The following KDM6B variants were observed in gnomAD, a reference collection of about 807,000 sequenced individuals.
KDM6B encodes lysine demethylase 6B.
Under a neutral mutation model 150.4 loss-of-function variants are expected in KDM6B, and 22 were observed. The ratio of observed to expected loss-of-function variants is 0.15; its 90% CI spans 0.10 to 0.21. The LOEUF (loss-of-function observed/expected upper bound fraction) is 0.21. Ranked by LOEUF, KDM6B falls within the 10% of genes least tolerant of loss-of-function variation. The pLI, the probability that KDM6B is intolerant of heterozygous loss-of-function variation, is 1.00. For synonymous variants in KDM6B, 1,148 were observed against 921.1 expected (o/e 1.25, Z -4.46); for missense variants, 1,984 against 2,234.3 (o/e 0.89, Z 2.26).
chr17:7,846,063 C>CCCAAGG lies in KDM6B; in HGVS notation c.237-14_237-13insCAAGGC. On this transcript the variant is annotated splice_polypyrimidine_tract_variant and intron_variant, in intron 6 of 23. Transcript: ENST00000448097. ...CCCAACCCCCACCCACACCCCCACCCCTTCTGCTCTGTAGGGCGCCCACTC... is the reference window on the plus strand; with the variant it reads ...CCCAACCCCCACCCACACCCCCACCCCCAAGGCTTCTGCTCTGTAGGGCGCCCACTC... 1 of 1,577,180 alleles carries CCCAAGG rather than the reference C, an allele frequency of 6.3e-7. No individual in the cohort carries two copies. The highest frequency in any genetic ancestry group is 8.6e-7 in the Non-Finnish European group (1 of 1,158,730).
chr17:7,835,110 G>A (rs548428197), intron 1 of KDM6B, among the ~76,000 whole-genome samples: 3 of 152,158 alleles, frequency 2.0e-5, no homozygotes, highest in East Asian at 1.9e-4. Context: ...GGTAGGCTGA[G>A]GCCCCCACTT....
rs2151374884 is a variant in KDM6B, at chr17:7,844,925, GTGA to G, written c.-239_-237del. The stretch of plus-strand genomic sequence containing the variant: ...GGCTGTTACTGAGGCGGAGACACGG[GTGA>G]TGATTGGCTTTCTGGGGAGAGAGGA... On this transcript the variant is annotated 5_prime_UTR_variant, in exon 3 of 24. An upstream start codon of the reference 5' UTR is lost. Coordinates refer to ENST00000448097, the MANE Select transcript of KDM6B (RefSeq NM_001348716.2). The surrounding 1 kb of genome is among the most constrained non-coding windows in gnomAD (Gnocchi z 5.9). 1 of 167,358 alleles carries G rather than the reference GTGA, an allele frequency of 6.0e-6. No homozygotes were observed. The highest frequency in any genetic ancestry group is 1.3e-4 in the South Asian group (1 of 7,824). 10.4% of individuals were successfully genotyped at this position (167,358 alleles called of 1,614,324 possible). A position where few individuals can be genotyped will look rare whatever the true frequency, so the allele number is the denominator to read the frequency against.
Position 7,848,682 on chromosome 17 carries a change from C to G in KDM6B, c.2394C>G (p.Pro798=), listed in dbSNP as rs754562945. 2.4e-5 allele frequency: 38 copies of G among 1,611,426 alleles called. No individual in the cohort carries two copies. The South Asian group carries it at 3.2e-4, about 14-fold the overall frequency. ...SQPQPPPPPP[P]SPASLLKSLA... is the part of the protein sequence containing the mutation. ...CACAGCCACCACCACCCCCACCCCCCAGCCCGGCCAGCCTGCTCAAATCCT... is the reference window on the plus strand; with the variant it reads ...CACAGCCACCACCACCCCCACCCCCGAGCCCGGCCAGCCTGCTCAAATCCT... The change falls in exon 12 of 24, where the codon CCC becomes CCG. Residue 798 remains proline (P), a synonymous_variant. Coordinates refer to ENST00000448097, the MANE Select transcript of KDM6B (RefSeq NM_001348716.2).
At chr17:7,852,928 C>T (rs1321935797) in intron 21 of KDM6B, 72 bp from the exon 22 acceptor site, 3 of 1,605,794 alleles carry the variant, frequency 1.9e-6, no homozygotes, top group Admixed American at 3.3e-5. Flanking sequence ...GCCCACCCCT[C>T]TGCCCTTGCT....
chr17:7,847,019 G>A lies in KDM6B; in HGVS notation c.909+3G>A, dbSNP rs946804535. 6.2e-7 allele frequency: 1 copy of A among 1,613,334 alleles called. No individual in the cohort carries two copies. The highest frequency in any genetic ancestry group is 8.5e-7 in the Non-Finnish European group (1 of 1,179,760). On this transcript the variant is annotated splice_donor_region_variant and intron_variant, in intron 10 of 23. Coordinates refer to ENST00000448097, the MANE Select transcript of KDM6B (RefSeq NM_001348716.2). ...GTTCAGCACCCCCAGAGCGCCAGGT[G>A]AGCCCCTGCCTGTTGCCTTTCACCT...
Position 7,849,201 on chromosome 17 carries a change from C to T in KDM6B, c.2913C>T (p.Ser971=). 2 of 1,600,802 alleles carry T rather than the reference C, an allele frequency of 1.2e-6. No individual in the cohort carries two copies. The highest frequency in any genetic ancestry group is 2.2e-5 in the South Asian group (2 of 89,702). ...GCGGGGTGGCGGCAGTGTCAGGCAG[C>T]TGTAAGCGGCGACAGAAGGAGCATC... The part of the protein sequence containing the change: ...EAGGVAAVSG[S]CKRRQKEHQK... Residue 971 remains serine (S), a synonymous_variant, in exon 12 of 24, where the codon AGC becomes AGT. Transcript: ENST00000448097.
At chr17:7,852,770 AG>A in intron 21 of KDM6B, 134 bp downstream of exon 21, 1 of 1,343,958 alleles carries the variant, frequency 7.4e-7, no homozygotes. Context: ...TGTGTTGGGG[AG>A]GCTAACTAGG....
Position 7,843,196 on chromosome 17 carries a change from A to G in KDM6B, c.-268-1705A>G, listed in dbSNP as rs985417763. On this transcript the variant is annotated intron_variant, in intron 2 of 23. Transcript: ENST00000448097. The surrounding 1 kb of genome is among the most constrained non-coding windows in gnomAD (Gnocchi z 4.5). ...TCTCGGGACCACTTCCCAAGCAGGC[A>G]TCTGCCCCTCTGTTGTCTGGTTCCC... Among the ~76,000 whole-genome samples, 1 of 152,116 alleles carries G rather than the reference A, an allele frequency of 6.6e-6. No homozygotes were observed. Among genetic ancestry groups the G allele is most frequent in the African/African-American group, 2.4e-5 (1 of 41,408 alleles).
chr17:7,849,222 G>A lies in KDM6B; in HGVS notation c.2934G>A (p.Glu978=). ...VSGSCKRRQK[E]HQKEHRRHRR... ...GCAGCTGTAAGCGGCGACAGAAGGA[G>A]CATCAGAAGGAGCATCGGCGGCACA... is the stretch of plus-strand genomic sequence containing the variant. Residue 978 remains glutamate (E), a synonymous_variant, in exon 12 of 24, where the codon GAG becomes GAA. Transcript: ENST00000448097. The A allele has an allele frequency of 1.3e-6, 2 of 1,587,868 alleles. No individual in the cohort carries two copies. The highest frequency in any genetic ancestry group is 1.7e-4 in the Middle Eastern group (1 of 6,016).
Position 7,845,859 on chromosome 17 carries a change from C to T in KDM6B, c.138-13C>T, listed in dbSNP as rs1194544211. On this transcript the variant is annotated splice_polypyrimidine_tract_variant and intron_variant, in intron 5 of 23. Coordinates refer to ENST00000448097, the MANE Select transcript of KDM6B (RefSeq NM_001348716.2). ...CCTTTTTGCCGTATATAACAGACTC[C>T]TTCTCTCTCCAGATGCTCAGCCAGC... 17 of 1,611,546 alleles carry T rather than the reference C, an allele frequency of 1.1e-5. No individual in the cohort carries two copies. The highest frequency in any genetic ancestry group is 1.3e-5 in the African/African-American group (1 of 74,892).
Position 7,849,339 on chromosome 17 carries a change from G to C in KDM6B, c.3051G>C (p.Val1017=). ...AKVPKEKSRR[V]LGNLDLQSEE... The stretch of plus-strand genomic sequence containing the variant: ...TCCCCAAAGAAAAGAGCCGCCGGGT[G>C]CTGGGGAACCTGGACCTGCAGAGCG... The change falls in exon 12 of 24, where the codon GTG becomes GTC. Residue 1017 remains valine (V), a synonymous_variant. Coordinates refer to ENST00000448097, the MANE Select transcript of KDM6B (RefSeq NM_001348716.2). 1 of 1,585,074 alleles carries C rather than the reference G, an allele frequency of 6.3e-7. No homozygotes were observed. Among genetic ancestry groups the C allele is most frequent in the Admixed American group, 1.8e-5 (1 of 56,324 alleles).
At position 7,847,172 on chromosome 17, in the gene KDM6B, G is replaced by C; in HGVS notation, c.977G>C (p.Gly326Ala). ...PAPAYTAHPP[G>A]HRLVPAAPPG... is the part of the protein sequence containing the mutation. Reference sequence around the variant, plus strand: ...CCAGCGTACACCGCGCACCCCCCTGGCCACCGGCTGGTCCCGGCTGCTCCC... The same window carrying C: ...CCAGCGTACACCGCGCACCCCCCTGCCCACCGGCTGGTCCCGGCTGCTCCC... The change falls in exon 11 of 24, where the codon GGC (glycine) becomes GCC (alanine). Residue 326 changes from glycine to alanine, a missense_variant. Physicochemically the swap from Gly to Ala is moderately conservative, Grantham distance 60. Coordinates refer to ENST00000448097, the MANE Select transcript of KDM6B (RefSeq NM_001348716.2). 6.2e-6 allele frequency: 10 copies of C among 1,605,080 alleles called. No individual in the cohort carries two copies. Among genetic ancestry groups the C allele is most frequent in the Non-Finnish European group, 8.5e-6 (10 of 1,179,512 alleles).
intron 23 of KDM6B, 51 bp from the exon 24 acceptor site, chr17:7,853,447 G>C (rs770214948): frequency 1.3e-6 from 2 of 1,521,674 alleles, no homozygotes; most frequent in Non-Finnish European, 1.8e-6. Flanking sequence ...GACGGGCTTC[G>C]GGAGCCCGGC....
At position 7,849,718 on chromosome 17, in the gene KDM6B, C is replaced by T. The variant is rs775301624; in HGVS notation, c.3430C>T (p.Arg1144Cys). 18 of 1,611,752 alleles carry T rather than the reference C, an allele frequency of 1.1e-5. No homozygotes were observed. Among genetic ancestry groups the T allele is most frequent in the South Asian group, 2.2e-5 (2 of 91,084 alleles). ...TISHCAADVV[R>C]ASRNAKVKGK... ...CAGCCACTGTGCTGCTGACGTCGTG[C>T]GCGCCAGCAGGTGAGTCGGCTGCCT... Residue 1144 changes from arginine to cysteine, a missense_variant, in exon 12 of 24, where the codon CGC (arginine) becomes TGC (cysteine). Transcript: ENST00000448097.
In KDM6B at chr17:7,853,210, G is replaced by GTGGA; in HGVS notation, c.4739_4742dup (p.Glu1581AspfsTer5). The GTGGA allele has an allele frequency of 6.2e-7, 1 of 1,613,298 alleles. No individual in the cohort carries two copies. The highest frequency in any genetic ancestry group is 1.7e-4 in the Middle Eastern group (1 of 6,060). On this transcript the variant is annotated frameshift_variant and splice_region_variant, in exon 23 of 24. Transcript: ENST00000448097. LOFTEE classifies it high-confidence loss of function. ...GACTGCACTGTCCTCCCTGCCCCAG[G>GTGGA]TGGAGGTGTTTAACATCCTGTTCGT...
rs770485853 is a variant in KDM6B at position 7,847,021 on chromosome 17, G to A, written c.909+5G>A. The A allele has an allele frequency of 5.0e-6, 8 of 1,613,412 alleles. No individual in the cohort carries two copies. In the Admixed American group the frequency reaches 8.3e-5, roughly 17 times the overall value. On this transcript the variant is annotated splice_donor_5th_base_variant and intron_variant, in intron 10 of 23. Coordinates refer to ENST00000448097, the MANE Select transcript of KDM6B (RefSeq NM_001348716.2). ...TCAGCACCCCCAGAGCGCCAGGTGA[G>A]CCCCTGCCTGTTGCCTTTCACCTCT...
At position 7,851,905 on chromosome 17, in the gene KDM6B, C is replaced by T. The variant is rs370197415; in HGVS notation, c.4166-46C>T. The T allele has an allele frequency of 1.8e-5, 29 of 1,605,484 alleles. No individual in the cohort carries two copies. In the African/African-American group the frequency reaches 3.9e-4, roughly 21 times the overall value. ...CAGAGGGCGGGGCTATCGGGGATCG[C>T]AGTTCCGACCTGGCCAGCCATGCCG... On this transcript the variant is annotated intron_variant, in intron 18 of 23. Coordinates refer to ENST00000448097, the MANE Select transcript of KDM6B (RefSeq NM_001348716.2).
intron 18 of KDM6B, 54 bp downstream of exon 18, chr17:7,851,850 C>G (rs1597856759): frequency 6.4e-7 from 1 of 1,565,062 alleles, no homozygotes. Context: ...GAGGGGCTGG[C>G]GGCGGCGCTC....
In KDM6B at chr17:7,843,186, C is replaced by T. The variant is rs1166525010; in HGVS notation, c.-268-1715C>T. Among the ~76,000 whole-genome samples the T allele has an allele frequency of 6.6e-6, 1 of 152,134 alleles. No individual in the cohort carries two copies. Among genetic ancestry groups the T allele is most frequent in the Non-Finnish European group, 1.5e-5 (1 of 68,010 alleles). ...CTGGCGGCGCTCTCGGGACCACTTC[C>T]CAAGCAGGCATCTGCCCCTCTGTTG... On this transcript the variant is annotated intron_variant, in intron 2 of 23. Coordinates refer to ENST00000448097, the MANE Select transcript of KDM6B (RefSeq NM_001348716.2). The surrounding 1 kb of genome is among the most constrained non-coding windows in gnomAD (Gnocchi z 4.5).
Sources: allele counts gnomAD v4.1 joint callset (sites outside exome capture counted in the v4.1 genomes callset), GRCh38; gene constraint gnomAD v4.1.1; non-coding constraint Gnocchi (gnomAD v3.1); transcripts MANE v1.5; gene names NCBI Gene and HGNC (gene_info 2026-07-23, HGNC 2026-07-21).